The following ATP2B1 variants were observed in gnomAD, a reference collection of about 807,000 sequenced individuals.
The protein encoded by ATP2B1 is ATPase plasma membrane Ca2+ transporting 1, also known as plasma membrane calcium-transporting ATPase 1.
ATP2B1 carries 14 observed loss-of-function variants against 124.2 expected under a neutral mutation model. That is an observed-to-expected ratio of 0.11 (90% confidence interval 0.07 to 0.18). The LOEUF (loss-of-function observed/expected upper bound fraction) is 0.18, where lower values mean the gene tolerates loss of function less well. Among genes scored for constraint, ATP2B1 ranks in the 10% least tolerant of loss-of-function variants. The pLI, the probability that ATP2B1 is intolerant of heterozygous loss-of-function variation, is 1.00. For synonymous variants in ATP2B1, 449 were observed against 492.4 expected, an observed-to-expected ratio of 0.91 and a Z score of 1.17; for missense variants, 763 against 1,466.1, an observed-to-expected ratio of 0.52 and a Z score of 7.83.
intron 2 of ATP2B1, among the ~76,000 whole-genome samples, chr12:89,650,517 G>A (rs1164421804): frequency 6.6e-6 from 1 of 152,116 alleles, no homozygotes. Flanking sequence ...GGTTTTGTGT[G>A]TTTTGGGCTT....
chr12:89,677,971 T>TATATATATATATATATATACAC (rs1461216851), intron 1 of ATP2B1, among the ~76,000 whole-genome samples: 20 of 52,320 alleles, frequency 3.8e-4, no homozygotes, highest in African/African-American at 1.0e-3. Flanking sequence ...TATATATATA[T>TATATATATATATATATATACAC]ACACACACAC....
chr12:89,592,282 GTTTGCT>G (rs1285164733), intron 20 of ATP2B1, among the ~76,000 whole-genome samples: 62 of 152,108 alleles, frequency 4.1e-4, no homozygotes, highest in Non-Finnish European at 1.5e-4. Flanking sequence ...CAAATACAGT[GTTTGCT>G]TTTGCTTTGA....
intron 1 of ATP2B1, among the ~76,000 whole-genome samples, chr12:89,673,730 A>G (rs377568464): frequency 4.5e-4 from 68 of 152,288 alleles, no homozygotes; most frequent in African/African-American, 1.5e-3. Flanking sequence ...CATCTCCAAG[A>G]TAAGGGCAGC....
chr12:89,596,879 T>C (rs1283214940), intron 20 of ATP2B1, among the ~76,000 whole-genome samples: 1 of 152,126 alleles, frequency 6.6e-6, no homozygotes, highest in Non-Finnish European at 1.5e-5. Context: ...CAGACTATTA[T>C]CAATCCCTTA....
At chr12:89,594,670 T>G (rs1874237625) in intron 20 of ATP2B1, 1 of 149,996 alleles carries the variant, frequency 6.7e-6, no homozygotes, top group Admixed American at 6.7e-5. Flanking sequence ...TAATCATGAA[T>G]TTTAAGAAAC....
At position 89,603,046 on chromosome 12, in the gene ATP2B1, T is replaced by C; in HGVS notation, c.3057A>G (p.Val1019=). ...FCTIVLGTFV[V]QIIIVQFGGK... is the part of the protein sequence containing the mutation. Reference sequence around the variant, plus strand: ...ACTATCTTTTCCAATTACCCACCTGTACCACAAAAGTGCCTAAAACAATTG... The same window carrying C: ...ACTATCTTTTCCAATTACCCACCTGCACCACAAAAGTGCCTAAAACAATTG... Residue 1019 remains valine (V), a synonymous_variant, in exon 18 of 21, where the codon GTA becomes GTG. Transcript: ENST00000428670. The surrounding 1 kb of genome is among the most constrained non-coding windows in gnomAD (Gnocchi z 4.3). 6.2e-7 allele frequency: 1 copy of C among 1,613,334 alleles called. No homozygotes were observed. The highest frequency in any genetic ancestry group is 8.5e-7 in the Non-Finnish European group (1 of 1,179,514).
intron 1 of ATP2B1, among the ~76,000 whole-genome samples, chr12:89,665,449 T>C (rs982709976): frequency 6.6e-6 from 1 of 152,192 alleles, no homozygotes; most frequent in Admixed American, 6.5e-5. Flanking sequence ...ACTACTTTGT[T>C]TTCTCCTATT....
At chr12:89,648,324 C>T (rs1410465778) in intron 2 of ATP2B1, among the ~76,000 whole-genome samples, 1 of 152,170 alleles carries the variant, frequency 6.6e-6, no homozygotes, top group Non-Finnish European at 1.5e-5. Flanking sequence ...GACAAGTTCT[C>T]AGATGGAAAT....
chr12:89,666,333 C>G (rs1327233623), intron 1 of ATP2B1, among the ~76,000 whole-genome samples: 1 of 152,212 alleles, frequency 6.6e-6, no homozygotes, highest in African/African-American at 2.4e-5. Flanking sequence ...GACCTTCATT[C>G]TAAGACTTTG....
intron 2 of ATP2B1, 103 bp downstream of exon 2, chr12:89,655,576 C>T: frequency 8.8e-7 from 1 of 1,135,458 alleles, no homozygotes; most frequent in Non-Finnish European, 1.3e-6. Context: ...ATAATTATGT[C>T]ATAATCATAC....
At chr12:89,593,153 A>G (rs1592688734) in intron 20 of ATP2B1, among the ~76,000 whole-genome samples, 1 of 152,060 alleles carries the variant, frequency 6.6e-6, no homozygotes. Context: ...TGTTTGCTAA[A>G]TATAACGTTA....
chr12:89,673,811 G>C (rs77401153), intron 1 of ATP2B1, among the ~76,000 whole-genome samples: 1,974 of 152,266 alleles, frequency 0.013, 39 homozygotes, highest in African/African-American at 0.044. Context: ...AATATGACAT[G>C]AGTAAAACCA....
Position 89,672,337 on chromosome 12 carries a change from C to T in ATP2B1, c.-221-16230G>A, listed in dbSNP as rs1022272980. On this transcript the variant is annotated intron_variant, in intron 1 of 20. Transcript: ENST00000428670. Reference sequence around the variant, plus strand: ...GGCATAGTGGCGGGTGCCTGTAATCCCAGCTATACAAGAGGCTGAGGTAGA... The same window carrying T: ...GGCATAGTGGCGGGTGCCTGTAATCTCAGCTATACAAGAGGCTGAGGTAGA... Among the ~76,000 whole-genome samples the T allele has an allele frequency of 4.6e-5, 7 of 152,044 alleles. No homozygotes were observed. In the South Asian group the frequency reaches 1.2e-3, roughly 27 times the overall value.
chr12:89,694,835 T>C (rs1391649037), intron 1 of ATP2B1, among the ~76,000 whole-genome samples: 2 of 152,080 alleles, frequency 1.3e-5, no homozygotes, highest in East Asian at 1.9e-4. Flanking sequence ...GGAAGGGGAA[T>C]TGCTTGAGCC....
intron 9 of ATP2B1, among the ~76,000 whole-genome samples, chr12:89,622,978 A>G (rs1880252003): frequency 1.3e-5 from 2 of 152,204 alleles, no homozygotes; most frequent in South Asian, 4.1e-4. Context: ...CTATGTGTCC[A>G]AAACTTGTAT....
At chr12:89,630,758 TATATATAAATATAA>T (rs971646748) in intron 5 of ATP2B1, 113 bp from the exon 6 acceptor site, 10 of 123,352 alleles carry the variant, frequency 8.1e-5, no homozygotes, top group East Asian at 1.0e-4. Flanking sequence ...TAGGAAAAAA[TATATATAAATATAA>T]ATATATAAAT....
intron 5 of ATP2B1, among the ~76,000 whole-genome samples, 157 bp downstream of exon 5, chr12:89,634,621 C>T (rs1486696571): frequency 6.6e-6 from 1 of 152,030 alleles, no homozygotes; most frequent in African/African-American, 2.4e-5. Flanking sequence ...TTTTTGTCAG[C>T]TTACCAAAAA....
At chr12:89,592,576 T>TTTA (rs1873789673) in intron 20 of ATP2B1, among the ~76,000 whole-genome samples, 1 of 152,052 alleles carries the variant, frequency 6.6e-6, no homozygotes, top group African/African-American at 2.4e-5. Context: ...CACTTAGCCC[T>TTTA]TTATATAGAG....
intron 1 of ATP2B1, among the ~76,000 whole-genome samples, chr12:89,687,777 CAAT>C (rs1250474520): frequency 6.6e-6 from 1 of 151,916 alleles, no homozygotes; most frequent in Non-Finnish European, 1.5e-5. Flanking sequence ...TTACAACTTA[CAAT>C]AATATTTACT....
Sources: allele counts gnomAD v4.1 joint callset (sites outside exome capture counted in the v4.1 genomes callset), GRCh38; gene constraint gnomAD v4.1.1; non-coding constraint Gnocchi (gnomAD v3.1); transcripts MANE v1.5; gene names NCBI Gene and HGNC (gene_info 2026-07-23, HGNC 2026-07-21).